Variants in LHFPL2 observed in about 807,000 individuals in gnomAD.
The protein encoded by LHFPL2 is LHFPL tetraspan subfamily member 2 protein.
In LHFPL2, 7 loss-of-function variants were observed where a neutral mutation model predicts 17.5. The ratio of observed to expected loss-of-function variants is 0.40; its 90% CI spans 0.23 to 0.75. The LOEUF (loss-of-function observed/expected upper bound fraction) is 0.75. Ranked by LOEUF, LHFPL2 falls within the 30% of genes least tolerant of loss-of-function variation. The pLI is 0.37. For synonymous variants in LHFPL2, 134 were observed against 116.2 expected (o/e 1.15, Z -0.99); for missense variants, 241 against 294.8 (o/e 0.82, Z 1.34).
At chr5:78,580,413 C>G (rs1260072635) in intron 2 of LHFPL2, among the ~76,000 whole-genome samples, 1 of 151,858 alleles carries the variant, frequency 6.6e-6, no homozygotes, top group Non-Finnish European at 1.5e-5. Flanking sequence ...GACATGAAGT[C>G]CTTGCCCATG....
chr5:78,560,590 G>A (rs1387900127), intron 3 of LHFPL2, among the ~76,000 whole-genome samples: 1 of 152,204 alleles, frequency 6.6e-6, no homozygotes, highest in Admixed American at 6.5e-5. Flanking sequence ...GTGAGGGGAA[G>A]GCTCTGAGGG....
At chr5:78,500,360 T>G (rs1322651555) in intron 4 of LHFPL2, among the ~76,000 whole-genome samples, 1 of 152,176 alleles carries the variant, frequency 6.6e-6, no homozygotes, top group Non-Finnish European at 1.5e-5. Context: ...CGTGATCCAG[T>G]GGGTGTTAGT....
intron 3 of LHFPL2, among the ~76,000 whole-genome samples, chr5:78,514,696 TG>T (rs1490436420): frequency 6.6e-6 from 1 of 152,198 alleles, no homozygotes; most frequent in Non-Finnish European, 1.5e-5. Context: ...GAGGGAAACC[TG>T]AAGGATGTCA....
intron 1 of LHFPL2, among the ~76,000 whole-genome samples, chr5:78,636,545 C>T (rs1745455293): frequency 6.6e-6 from 1 of 152,174 alleles, no homozygotes; most frequent in African/African-American, 2.4e-5. Context: ...AACTCCTTAA[C>T]CTTCCAATTC....
At chr5:78,563,320 G>A (rs1756777782) in intron 3 of LHFPL2, among the ~76,000 whole-genome samples, 1 of 152,018 alleles carries the variant, frequency 6.6e-6, no homozygotes, top group African/African-American at 2.4e-5. Context: ...TACAGGCAAA[G>A]GTATATATTT....
chr5:78,604,323 C>A (rs1267582726), intron 2 of LHFPL2, among the ~76,000 whole-genome samples: 2 of 151,872 alleles, frequency 1.3e-5, no homozygotes, highest in Non-Finnish European at 2.9e-5. Context: ...ACTAAAAATA[C>A]AAAATTGGCT....
At chr5:78,604,330 G>C (rs968070376) in intron 2 of LHFPL2, among the ~76,000 whole-genome samples, 7 of 148,010 alleles carry the variant, frequency 4.7e-5, no homozygotes, top group Admixed American at 1.4e-4. Flanking sequence ...ATACAAAATT[G>C]GCTGGGCGTG....
At chr5:78,630,097 CCCTA>C in intron 2 of LHFPL2, among the ~76,000 whole-genome samples, 1 of 152,312 alleles carries the variant, frequency 6.6e-6, no homozygotes, top group Admixed American at 6.5e-5. Context: ...CCTCGTGAGC[CCCTA>C]CATGGAGCCG....
chr5:78,622,222 C>G (rs1161460921), intron 2 of LHFPL2, among the ~76,000 whole-genome samples: 1 of 152,124 alleles, frequency 6.6e-6, no homozygotes, highest in African/African-American at 2.4e-5. Flanking sequence ...CACTACATGC[C>G]TAAAACAACA....
intron 4 of LHFPL2, among the ~76,000 whole-genome samples, chr5:78,506,772 C>A (rs149337380): frequency 2.0e-5 from 3 of 152,360 alleles, no homozygotes; most frequent in Non-Finnish European, 2.9e-5. Flanking sequence ...GAAACCAGTT[C>A]TTTCCTGTAT....
chr5:78,616,362 T>C lies in LHFPL2; in HGVS notation c.-245+15902A>G, dbSNP rs961086538. On this transcript the variant is annotated intron_variant, in intron 2 of 4. Coordinates refer to ENST00000380345, the MANE Select transcript of LHFPL2 (RefSeq NM_005779.3). ...CAGGATGATCTCGATCTGCTGACCT[T>C]GTGATCCAGCCGCCTCGCCCTCCCA... 5.9e-5 allele frequency among the ~76,000 whole-genome samples: 9 copies of C among 152,190 alleles called. No homozygotes were observed. In the South Asian group the frequency reaches 6.2e-4, roughly 11 times the overall value.
At chr5:78,490,450 C>T (rs1262000519) in intron 4 of LHFPL2, among the ~76,000 whole-genome samples, 1 of 152,096 alleles carries the variant, frequency 6.6e-6, no homozygotes, top group Non-Finnish European at 1.5e-5. Context: ...TTAAAACTTT[C>T]TTGGTAACAG....
At chr5:78,584,472 C>A (rs1457456130) in intron 2 of LHFPL2, among the ~76,000 whole-genome samples, 2 of 152,064 alleles carry the variant, frequency 1.3e-5, no homozygotes, top group African/African-American at 4.8e-5. Flanking sequence ...GTGTGGATGT[C>A]CTTTCTGTTT....
intron 2 of LHFPL2, among the ~76,000 whole-genome samples, chr5:78,602,641 G>A (rs1744060029): frequency 6.6e-6 from 1 of 152,156 alleles, no homozygotes; most frequent in African/African-American, 2.4e-5. Flanking sequence ...ATCCTGGGCA[G>A]ATAAGTTCTG....
chr5:78,549,677 C>A (rs1050727528), intron 3 of LHFPL2, among the ~76,000 whole-genome samples: 2 of 152,218 alleles, frequency 1.3e-5, no homozygotes, highest in African/African-American at 4.8e-5. Flanking sequence ...AGGAAGACCA[C>A]TTTCCTGTAA....
rs1754262960 is a variant in LHFPL2 at position 78,486,892 on chromosome 5, T to C, written c.*2005A>G. On this transcript the variant is annotated 3_prime_UTR_variant, in exon 5 of 5. Transcript: ENST00000380345. ...TCTCTATCCAAGAAAGAAAGAAAAG[T>C]GAGTCTTCTGATAAGTTTATGGAAA... 6.6e-6 allele frequency: 1 copy of C among 152,156 alleles called. No homozygotes were observed. The highest frequency in any genetic ancestry group is 2.4e-5 in the African/African-American group (1 of 41,414). The allele number at this position is 152,156 out of a possible 1,614,324, so 9.4% of individuals were successfully genotyped here. A position where few individuals can be genotyped will look rare whatever the true frequency, so the allele number is the denominator to read the frequency against.
intron 2 of LHFPL2, among the ~76,000 whole-genome samples, chr5:78,586,844 C>T (rs1401776714): frequency 2.0e-5 from 3 of 152,184 alleles, no homozygotes; most frequent in Admixed American, 2.0e-4. Flanking sequence ...TAGAAAGGAG[C>T]ATTTCCACAC....
chr5:78,560,247 C>T (rs188131951), intron 3 of LHFPL2, among the ~76,000 whole-genome samples: 59 of 152,338 alleles, frequency 3.9e-4, no homozygotes, highest in African/African-American at 1.4e-3. Context: ...GCCACTAGGG[C>T]ATCAATGTGA....
At chr5:78,491,237 A>G (rs1754435791) in intron 4 of LHFPL2, 1 of 152,264 alleles carries the variant, frequency 6.6e-6, no homozygotes, top group Non-Finnish European at 1.5e-5. Context: ...GAGGGAATCA[A>G]TTCAGATGCT....
Sources: gnomAD v4.1 joint callset for allele counts (sites outside exome capture counted in the v4.1 genomes callset) on GRCh38, gnomAD v4.1.1 for gene constraint, MANE v1.5 for transcripts, NCBI Gene and HGNC (gene_info 2026-07-23, HGNC 2026-07-21) for gene names.